Variants in CEP128 observed in about 807,000 individuals in gnomAD.
The protein encoded by CEP128 is centrosomal protein 128, also known as centrosomal protein 128kDa.
In CEP128, 132 loss-of-function variants were observed where a neutral mutation model predicts 156.7. The observed-to-expected ratio is 0.84, with a 90% confidence interval of 0.73 to 0.97. The LOEUF (loss-of-function observed/expected upper bound fraction) is 0.97. Among genes scored for constraint, CEP128 ranks in the 50% least tolerant of loss-of-function variants. The pLI is 0.00. For synonymous variants in CEP128, 469 were observed against 448.9 expected, an observed-to-expected ratio of 1.04 and a Z score of -0.57; for missense variants, 1,252 against 1,281.9, an observed-to-expected ratio of 0.98 and a Z score of 0.36.
At chr14:80,775,275 A>G (rs535322524) in intron 16 of CEP128, among the ~76,000 whole-genome samples, 44 of 152,330 alleles carry the variant, frequency 2.9e-4, no homozygotes, top group African/African-American at 9.4e-4. Flanking sequence ...AGTTTTACGC[A>G]TAATCATTAT....
chr14:80,732,343 A>G (rs1380348542), intron 19 of CEP128, among the ~76,000 whole-genome samples: 2 of 152,184 alleles, frequency 1.3e-5, no homozygotes, highest in Admixed American at 6.6e-5. Context: ...AAAAAATGGT[A>G]GGACTTTTGT....
At chr14:80,639,126 C>A (rs1490575963) in intron 19 of CEP128, among the ~76,000 whole-genome samples, 1 of 152,074 alleles carries the variant, frequency 6.6e-6, no homozygotes, top group African/African-American at 2.4e-5. Flanking sequence ...CAAAAAAAAT[C>A]TGTATTAATA....
chr14:80,653,144 C>T (rs1033464438), intron 19 of CEP128, among the ~76,000 whole-genome samples: 4 of 152,040 alleles, frequency 2.6e-5, no homozygotes, highest in Admixed American at 1.3e-4. Flanking sequence ...ACAATGAGAA[C>T]ACATGGACAC....
chr14:80,850,319 A>T (rs1194023827), intron 9 of CEP128, among the ~76,000 whole-genome samples: 5 of 152,170 alleles, frequency 3.3e-5, no homozygotes, highest in African/African-American at 1.2e-4. Context: ...AAGAGTTGAG[A>T]GTATACACAC....
At chr14:80,642,232 G>A (rs17110955) in intron 19 of CEP128, among the ~76,000 whole-genome samples, 2 of 152,010 alleles carry the variant, frequency 1.3e-5, no homozygotes, top group Non-Finnish European at 2.9e-5. Context: ...GAGGAGACAC[G>A]TAGAAACACC....
chr14:80,850,847 T>C (rs1159435077), intron 9 of CEP128, among the ~76,000 whole-genome samples: 1 of 152,224 alleles, frequency 6.6e-6, no homozygotes, highest in Admixed American at 6.5e-5. Flanking sequence ...TATTAAGTTG[T>C]CAGTATAGTT....
chr14:80,831,593 C>T (rs1885801909), intron 12 of CEP128, among the ~76,000 whole-genome samples: 2 of 150,216 alleles, frequency 1.3e-5, no homozygotes, highest in South Asian at 4.2e-4. Context: ...CACATCTCTA[C>T]ACTATCTCCA....
intron 21 of CEP128, among the ~76,000 whole-genome samples, chr14:80,539,934 A>C (rs982865503): frequency 3.3e-5 from 5 of 152,128 alleles, no homozygotes; most frequent in Non-Finnish European, 7.4e-5. Context: ...CCTCAGGCTT[A>C]CTAGAGTGGG....
At chr14:80,958,381 A>G (rs1407389983) in intron 1 of CEP128, 1 of 152,198 alleles carries the variant, frequency 6.6e-6, no homozygotes, top group Non-Finnish European at 1.5e-5. Flanking sequence ...TCAACTATGG[A>G]GCCTGCACCC....
rs1043963528 is a variant in CEP128 at position 80,959,209 on chromosome 14, G to A, written c.-280+223C>T. Among the ~76,000 whole-genome samples, 6 of 152,198 alleles carry A rather than the reference G, an allele frequency of 3.9e-5. No individual in the cohort carries two copies. The South Asian group carries it at 1.2e-3, about 32-fold the overall frequency. ...TGCTTTACCTGAGTGGAAGGTGAGG[G>A]AGAGCTGGGATCCCTACTTCCCCCA... On this transcript the variant is annotated intron_variant, in intron 1 of 7. Transcript: ENST00000555529.
At chr14:80,794,709 C>T (rs1393942283) in intron 13 of CEP128, among the ~76,000 whole-genome samples, 6 of 151,906 alleles carry the variant, frequency 3.9e-5, no homozygotes, top group Admixed American at 3.9e-4. Context: ...AGTTTTAATA[C>T]CAGAGAAGCT....
At chr14:80,877,411 T>C (rs10133246) in intron 8 of CEP128, among the ~76,000 whole-genome samples, 9,828 of 152,128 alleles carry the variant, frequency 0.065, 1,045 homozygotes, top group African/African-American at 0.22. Context: ...CTCTATAAAA[T>C]AGCATGAAAG....
chr14:80,667,682 C>A (rs1361908699), intron 19 of CEP128, among the ~76,000 whole-genome samples: 1 of 151,848 alleles, frequency 6.6e-6, no homozygotes, highest in Non-Finnish European at 1.5e-5. Flanking sequence ...CACGGTGAAA[C>A]CCCGTCTCTA....
chr14:80,569,879 T>C (rs1406543664), intron 20 of CEP128, among the ~76,000 whole-genome samples: 1 of 152,040 alleles, frequency 6.6e-6, no homozygotes, highest in Non-Finnish European at 1.5e-5. Context: ...AGCTGAAACC[T>C]AAAAGAAGGA....
chr14:80,903,909 G>T (rs111702857), intron 6 of CEP128, among the ~76,000 whole-genome samples: 2 of 152,180 alleles, frequency 1.3e-5, no homozygotes, highest in African/African-American at 4.8e-5. Flanking sequence ...AACTAGTACA[G>T]CCATTATGGA....
At chr14:80,648,774 T>C (rs1894770656) in intron 19 of CEP128, among the ~76,000 whole-genome samples, 1 of 152,064 alleles carries the variant, frequency 6.6e-6, no homozygotes, top group Admixed American at 6.6e-5. Context: ...AAGCAAAGTG[T>C]ACCAAACACT....
Position 80,668,361 on chromosome 14 carries a change from T to A in CEP128, c.2806+74714A>T, listed in dbSNP as rs79063799. Among the ~76,000 whole-genome samples the A allele has an allele frequency of 5.8e-3, 885 of 152,146 alleles. 4 individuals carry two copies. Among genetic ancestry groups the A allele is most frequent in the African/African-American group, 0.019 (776 of 41,528 alleles). On this transcript the variant is annotated intron_variant, in intron 19 of 24. Coordinates refer to ENST00000555265, the MANE Select transcript of CEP128 (RefSeq NM_152446.5). ...ACAGAGGCATATATAAAACAAAAAA[T>A]TTTTTGGATAAAAGAGAAATATTAG... is the stretch of plus-strand genomic sequence containing the variant.
At chr14:80,750,762 C>T (rs1321312102) in intron 18 of CEP128, among the ~76,000 whole-genome samples, 2 of 152,100 alleles carry the variant, frequency 1.3e-5, no homozygotes, top group Non-Finnish European at 2.9e-5. Flanking sequence ...AAAAACAAAA[C>T]AATAACAACA....
chr14:80,693,560 G>A (rs543436007), intron 19 of CEP128, among the ~76,000 whole-genome samples: 1 of 152,020 alleles, frequency 6.6e-6, no homozygotes, highest in South Asian at 2.1e-4. Flanking sequence ...GAAAAAATAA[G>A]TCATCAAATA....
Sources: allele counts gnomAD v4.1 joint callset (sites outside exome capture counted in the v4.1 genomes callset), GRCh38; gene constraint gnomAD v4.1.1; transcripts MANE v1.5; gene names NCBI Gene and HGNC (gene_info 2026-07-23, HGNC 2026-07-21).